RNF144A: variants seen among roughly 807,000 people sequenced by gnomAD.
The protein encoded by RNF144A is E3 ubiquitin-protein ligase RNF144A.
Under a neutral mutation model 38.7 loss-of-function variants are expected in RNF144A, and 11 were observed. That is an observed-to-expected ratio of 0.28 (90% CI 0.18 to 0.47). RNF144A has a LOEUF of 0.47. Ranked by LOEUF, RNF144A falls within the 20% of genes least tolerant of loss-of-function variation. The pLI, the probability that RNF144A is intolerant of heterozygous loss-of-function variation, is 0.99. For synonymous variants in RNF144A, 149 were observed against 143.9 expected, an observed-to-expected ratio of 1.04 and a Z score of -0.25; for missense variants, 316 against 377.2, an observed-to-expected ratio of 0.84 and a Z score of 1.34.
rs777889301 is a variant in RNF144A, at chr2:6,984,144, G to A, written c.-11-12772G>A. Among the ~76,000 whole-genome samples, 9 of 152,058 alleles carry A rather than the reference G, an allele frequency of 5.9e-5. No homozygotes were observed. The South Asian group carries it at 1.0e-3, about 18-fold the overall frequency. ...CCTGCCTCATTTTTCCACTGAGCCC[G>A]CATAGTTCACAAGCTGTGTATCTTA... On this transcript the variant is annotated intron_variant, in intron 2 of 8. Transcript: ENST00000320892.
At chr2:7,054,685 C>T (rs1458546993) in intron 6 of RNF144A, among the ~76,000 whole-genome samples, 1 of 152,156 alleles carries the variant, frequency 6.6e-6, no homozygotes, top group Middle Eastern at 3.2e-3. Flanking sequence ...GTCTTTTCCA[C>T]CATGAGAGGA....
intron 6 of RNF144A, among the ~76,000 whole-genome samples, chr2:7,023,326 T>C (rs1268966484): frequency 2.0e-5 from 3 of 152,232 alleles, no homozygotes; most frequent in African/African-American, 7.2e-5. Flanking sequence ...ATGCTCATAT[T>C]GACTGGAAGC....
intron 2 of RNF144A, among the ~76,000 whole-genome samples, chr2:6,968,925 G>C (rs1485904565): frequency 1.3e-5 from 2 of 152,178 alleles, no homozygotes; most frequent in African/African-American, 4.8e-5. Flanking sequence ...GGGGGTTCCT[G>C]CTGGTCAGAT....
At chr2:6,991,794 CACAT>C (rs563328472) in intron 2 of RNF144A, among the ~76,000 whole-genome samples, 3 of 152,076 alleles carry the variant, frequency 2.0e-5, no homozygotes, top group Non-Finnish European at 4.4e-5. Flanking sequence ...TATACACACA[CACAT>C]ACATATATAT....
intron 2 of RNF144A, among the ~76,000 whole-genome samples, chr2:6,967,967 A>G (rs556655202): frequency 6.6e-6 from 1 of 152,364 alleles, no homozygotes; most frequent in South Asian, 2.1e-4. Context: ...ATTTTAAGGA[A>G]CAGTGTTTTT....
At chr2:7,051,181 A>G (rs1018420040) in intron 6 of RNF144A, among the ~76,000 whole-genome samples, 1 of 152,180 alleles carries the variant, frequency 6.6e-6, no homozygotes, top group African/African-American at 2.4e-5. Context: ...TCGGGGATGG[A>G]GAGAGCAGGG....
chr2:7,064,093 C>G lies in RNF144A; in HGVS notation c.735-4123C>G, dbSNP rs1241667683. Among the ~76,000 whole-genome samples the G allele has an allele frequency of 2.0e-5, 3 of 152,242 alleles. No individual in the cohort carries two copies. The South Asian group carries it at 6.2e-4, about 32-fold the overall frequency. On this transcript the variant is annotated intron_variant, in intron 6 of 6. Coordinates refer to the RNF144A transcript ENST00000432850. ...ACAAACCAGGCTTGTGATAACTAACCTGCTTCCACAATAACAATATTAATT... is the reference window on the plus strand; with the variant it reads ...ACAAACCAGGCTTGTGATAACTAACGTGCTTCCACAATAACAATATTAATT...
intron 1 of RNF144A, among the ~76,000 whole-genome samples, chr2:6,940,209 A>G (rs1220103283): frequency 6.6e-6 from 1 of 152,210 alleles, no homozygotes; most frequent in African/African-American, 2.4e-5. Context: ...ATCCACGAAC[A>G]TGGGATGTCT....
chr2:6,935,752 A>G (rs1665532104), intron 1 of RNF144A, among the ~76,000 whole-genome samples: 1 of 151,818 alleles, frequency 6.6e-6, no homozygotes, highest in Non-Finnish European at 1.5e-5. Context: ...TAATGGTAAC[A>G]GCATGTAGAT....
chr2:6,918,986 C>A (rs967820248), intron 1 of RNF144A, among the ~76,000 whole-genome samples: 1 of 152,110 alleles, frequency 6.6e-6, no homozygotes, highest in East Asian at 1.9e-4. Context: ...GGAGGACATG[C>A]CCCAGTGAAT....
chr2:6,929,424 C>T (rs1302428207), intron 1 of RNF144A, among the ~76,000 whole-genome samples: 1 of 152,198 alleles, frequency 6.6e-6, no homozygotes, highest in East Asian at 1.9e-4. Context: ...GTGGGTGTTA[C>T]TCATTTTGAA....
chr2:6,932,875 TC>T (rs944285832), intron 1 of RNF144A, among the ~76,000 whole-genome samples: 3 of 152,160 alleles, frequency 2.0e-5, no homozygotes, highest in Non-Finnish European at 4.4e-5. Context: ...TATTTTGTTT[TC>T]CCCCAGAGAA....
At position 7,042,971 on chromosome 2, in the gene RNF144A, G is replaced by A. The variant is rs1470272711; in HGVS notation, c.*3211G>A. On this transcript the variant is annotated 3_prime_UTR_variant, in exon 9 of 9. Transcript: ENST00000320892. ...CAAGCTCTGCCTCCCGGGTTCAAGC[G>A]ATTCTCCTGCCTCAGCCTCCCAAGT... The A allele has an allele frequency of 1.6e-5, 10 of 612,540 alleles. No individual in the cohort carries two copies. The East Asian group carries it at 5.6e-4, about 34-fold the overall frequency. 37.9% of individuals were successfully genotyped at this position (612,540 alleles called of 1,614,324 possible). A position where few individuals can be genotyped will look rare whatever the true frequency, so the allele number is the denominator to read the frequency against.
At chr2:7,019,922 A>G (rs547869522) in intron 5 of RNF144A, among the ~76,000 whole-genome samples, 1 of 152,326 alleles carries the variant, frequency 6.6e-6, no homozygotes, top group East Asian at 1.9e-4. Context: ...AGGGGAGGCC[A>G]TCTTAGGCAG....
chr2:6,944,402 C>G lies in RNF144A; in HGVS notation c.-12+3255C>G, dbSNP rs1335389001. Reference sequence around the variant, plus strand: ...GCTGCTGGAGAGATCTTCCCCTCCACTTACCCGATTGCCTACTTACCCCTT... The same window carrying G: ...GCTGCTGGAGAGATCTTCCCCTCCAGTTACCCGATTGCCTACTTACCCCTT... On this transcript the variant is annotated intron_variant, in intron 2 of 8. Transcript: ENST00000320892. The surrounding 1 kb of genome is among the most constrained non-coding windows in gnomAD (Gnocchi z 4.7). 1.3e-5 allele frequency among the ~76,000 whole-genome samples: 2 copies of G among 152,078 alleles called. No homozygotes were observed. Among genetic ancestry groups the G allele is most frequent in the African/African-American group, 4.8e-5 (2 of 41,414 alleles).
At chr2:6,937,296 A>T (rs1665655294) in intron 1 of RNF144A, among the ~76,000 whole-genome samples, 1 of 152,220 alleles carries the variant, frequency 6.6e-6, no homozygotes, top group African/African-American at 2.4e-5. Flanking sequence ...GAAAATGCGG[A>T]TGCCAGTCAG....
intron 2 of RNF144A, among the ~76,000 whole-genome samples, chr2:6,974,082 A>G (rs1011397445): frequency 1.3e-5 from 2 of 152,158 alleles, no homozygotes; most frequent in African/African-American, 4.8e-5. Context: ...TCATTAATTC[A>G]TCTTAGATTC....
At chr2:6,960,830 C>T (rs1667288510) in intron 2 of RNF144A, among the ~76,000 whole-genome samples, 1 of 152,138 alleles carries the variant, frequency 6.6e-6, no homozygotes, top group African/African-American at 2.4e-5. Context: ...GATTCACACT[C>T]ATAAGTGGTT....
chr2:6,974,372 T>C (rs1668178885), intron 2 of RNF144A, among the ~76,000 whole-genome samples: 1 of 152,204 alleles, frequency 6.6e-6, no homozygotes, highest in Non-Finnish European at 1.5e-5. Flanking sequence ...GTGTCCGTGG[T>C]GGTGTGATAT....
Sources: allele counts gnomAD v4.1 joint callset (sites outside exome capture counted in the v4.1 genomes callset), GRCh38; gene constraint gnomAD v4.1.1; non-coding constraint Gnocchi (gnomAD v3.1); transcripts MANE v1.5; gene names NCBI Gene and HGNC (gene_info 2026-07-23, HGNC 2026-07-21).